PAG1: variants seen among roughly 807,000 people sequenced by gnomAD.
PAG1 encodes phosphoprotein membrane anchor with glycosphingolipid microdomains 1, also known as phosphoprotein associated with glycosphingolipid-enriched microdomains 1.
In PAG1, 23 loss-of-function variants were observed where a neutral mutation model predicts 31.7. The ratio of observed to expected loss-of-function variants is 0.73; its 90% CI spans 0.52 to 1.03. The LOEUF is 1.03. Among genes scored for constraint, PAG1 ranks in the 50% least tolerant of loss-of-function variants. The pLI is 0.00. For synonymous variants in PAG1, 214 were observed against 210.3 expected (o/e 1.02, Z -0.15); for missense variants, 473 against 540.7 (o/e 0.87, Z 1.24).
chr8:81,019,213 A>T (rs1808121051), intron 3 of PAG1, among the ~76,000 whole-genome samples: 1 of 152,250 alleles, frequency 6.6e-6, no homozygotes. Context: ...CAGAGAATAA[A>T]AGTTTGGAAA....
chr8:81,069,156 G>T lies in PAG1; in HGVS notation c.-175+956C>A, dbSNP rs1217656453. Among the ~76,000 whole-genome samples the T allele has an allele frequency of 2.0e-5, 3 of 152,298 alleles. No individual in the cohort carries two copies. In the East Asian group the frequency reaches 5.8e-4, roughly 29 times the overall value. On this transcript the variant is annotated intron_variant, in intron 2 of 8. Coordinates refer to ENST00000220597, the MANE Select transcript of PAG1 (RefSeq NM_018440.4). ...TTAGAAAGACTGTGGCCTCAGAGGG[G>T]AACCAAAATAACCCTGAAATAGCTC...
intron 2 of PAG1, among the ~76,000 whole-genome samples, chr8:81,056,471 A>G (rs1808824536): frequency 6.6e-6 from 1 of 152,178 alleles, no homozygotes; most frequent in Admixed American, 6.5e-5. Context: ...AAATGGGGAA[A>G]GGATTCCCTA....
rs990810704 is a variant in PAG1, at chr8:80,975,131, G to A, written c.*1413C>T. 6.6e-6 allele frequency: 1 copy of A among 152,080 alleles called. No homozygotes were observed. Among genetic ancestry groups the A allele is most frequent in the Non-Finnish European group, 1.5e-5 (1 of 67,998 alleles). The allele number at this position is 152,080 out of a possible 1,614,324, so 9.4% of individuals were successfully genotyped here. A position where few individuals can be genotyped will look rare whatever the true frequency, so the allele number is the denominator to read the frequency against. On this transcript the variant is annotated 3_prime_UTR_variant, in exon 9 of 9. Coordinates refer to ENST00000220597, the MANE Select transcript of PAG1 (RefSeq NM_018440.4). ...TCACAGCCACCTCTCATCATATTTT[G>A]TTCTTCTTTCCATTTTTACCATTTC...
intron 2 of PAG1, among the ~76,000 whole-genome samples, chr8:81,057,627 A>C (rs551232933): frequency 1.1e-4 from 17 of 152,144 alleles, no homozygotes; most frequent in African/African-American, 4.1e-4. Context: ...ATGACGAGTT[A>C]ATCGGTGCAG....
rs1554541162 is a variant in PAG1, at chr8:81,082,269, AAAAAG to A, written c.-233-12104_-233-12100del. Among the ~76,000 whole-genome samples, 4 of 151,176 alleles carry A rather than the reference AAAAAG, an allele frequency of 2.6e-5. No homozygotes were observed. In the East Asian group the frequency reaches 5.8e-4, roughly 22 times the overall value. ...CTCTGTCTCAAAAAAAAAAAAAAAA[AAAAAG>A]AAAAGAAAAAAAAATCCTGAAATTA... On this transcript the variant is annotated intron_variant, in intron 1 of 8. Transcript: ENST00000220597.
intron 3 of PAG1, among the ~76,000 whole-genome samples, chr8:81,019,005 A>G (rs1209373185): frequency 6.6e-6 from 1 of 152,226 alleles, no homozygotes; most frequent in Non-Finnish European, 1.5e-5. Flanking sequence ...GATATGGACA[A>G]TAAAGTCCCT....
At position 80,968,628 on chromosome 8, in the gene PAG1, G is replaced by A. The variant is rs184696896; in HGVS notation, c.*7916C>T. The A allele has an allele frequency of 6.6e-6, 1 of 152,286 alleles. No individual in the cohort carries two copies. The highest frequency in any genetic ancestry group is 1.9e-4 in the East Asian group (1 of 5,190). The allele number at this position is 152,286 out of a possible 1,614,324, so 9.4% of individuals were successfully genotyped here. Reference sequence around the variant, plus strand: ...CTTATGGAAATGTTTATTTTAATATGAGGAGTTTCTTTTCCTAGTTAAAAC... The same window carrying A: ...CTTATGGAAATGTTTATTTTAATATAAGGAGTTTCTTTTCCTAGTTAAAAC... On this transcript the variant is annotated 3_prime_UTR_variant, in exon 9 of 9. Coordinates refer to ENST00000220597, the MANE Select transcript of PAG1 (RefSeq NM_018440.4).
rs914149188 is a variant in PAG1, at chr8:81,030,081, T to C, written c.-166A>G. ...ATGTTGTGGTGAGAGTTCTCTCTTC[T>C]TTCTTGGCCTATAGCCAAAGAGAAG... On this transcript the variant is annotated 5_prime_UTR_variant, in exon 3 of 9. Transcript: ENST00000220597. The C allele has an allele frequency of 6.6e-6, 1 of 152,260 alleles. No individual in the cohort carries two copies. Among genetic ancestry groups the C allele is most frequent in the Admixed American group, 6.5e-5 (1 of 15,290 alleles). 9.4% of individuals were successfully genotyped at this position (152,260 alleles called of 1,614,324 possible). A position where few individuals can be genotyped will look rare whatever the true frequency, so the allele number is the denominator to read the frequency against.
chr8:81,095,956 A>C (rs1472339122), intron 1 of PAG1, among the ~76,000 whole-genome samples: 1 of 152,236 alleles, frequency 6.6e-6, no homozygotes, highest in Non-Finnish European at 1.5e-5. Flanking sequence ...GGACTCCATT[A>C]AAGAAGGCTG....
Position 80,984,147 on chromosome 8 carries a change from G to A in PAG1, c.876+629C>T, listed in dbSNP as rs895272. Among the ~76,000 whole-genome samples the A allele has an allele frequency of 9.3e-4, 141 of 152,320 alleles. 3 individuals are homozygous for A. The East Asian group carries it at 0.022, about 24-fold the overall frequency. On this transcript the variant is annotated intron_variant, in intron 7 of 8. Coordinates refer to ENST00000220597, the MANE Select transcript of PAG1 (RefSeq NM_018440.4). ...AATCCCAAAGAGATTTTAACAACCA[G>A]GGATGTGAACTTCATCGTGGCTCAG...
At chr8:81,046,404 A>T (rs1336755696) in intron 2 of PAG1, among the ~76,000 whole-genome samples, 3 of 152,122 alleles carry the variant, frequency 2.0e-5, no homozygotes, top group Non-Finnish European at 4.4e-5. Context: ...CCCCAGTGAA[A>T]TTTCAAACTC....
chr8:81,024,358 C>T (rs1808238984), intron 3 of PAG1, among the ~76,000 whole-genome samples: 1 of 152,132 alleles, frequency 6.6e-6, no homozygotes. Flanking sequence ...ACAAAGGAGG[C>T]CATCTGGAGA....
At chr8:81,051,313 G>A (rs932966253) in intron 2 of PAG1, among the ~76,000 whole-genome samples, 7 of 152,170 alleles carry the variant, frequency 4.6e-5, no homozygotes, top group Non-Finnish European at 7.3e-5. Flanking sequence ...CTTTAAAAAC[G>A]ACTTAAGATT....
chr8:80,995,151 T>A (rs543154479), intron 3 of PAG1, among the ~76,000 whole-genome samples: 1 of 152,310 alleles, frequency 6.6e-6, no homozygotes, highest in South Asian at 2.1e-4. Context: ...TAAAGAATAT[T>A]AAAAAGCTGA....
chr8:80,991,484 T>A lies in PAG1; in HGVS notation c.172A>T (p.Asn58Tyr). 6.2e-7 allele frequency: 1 copy of A among 1,612,542 alleles called. No homozygotes were observed. Among genetic ancestry groups the A allele is most frequent in the Non-Finnish European group, 8.5e-7 (1 of 1,178,550 alleles). ...GACGACACGCGCAGGCTCACCACGT[T>A]CATCAGGTTCTCATGGTCCCCACTA... Reference protein sequence around the residue: ...QHSGDHENLMNVPSDKEMFSR... With the variant: ...QHSGDHENLMYVPSDKEMFSR... Residue 58 changes from asparagine to tyrosine, a missense_variant, in exon 5 of 9, where the codon AAC becomes TAC. Transcript: ENST00000220597.
rs1177528488 is a variant in PAG1, at chr8:80,976,511, A to T, written c.*33T>A. 3 of 1,573,634 alleles carry T rather than the reference A, an allele frequency of 1.9e-6. No homozygotes were observed. The highest frequency in any genetic ancestry group is 2.6e-6 in the Non-Finnish European group (3 of 1,164,400). The stretch of plus-strand genomic sequence containing the variant: ...ACAGAAGAAACGTCTCCAGACACTG[A>T]TCACAGGCTACCCAGGGTTGTCTTC... On this transcript the variant is annotated 3_prime_UTR_variant, in exon 9 of 9. Transcript: ENST00000220597.
At chr8:81,058,475 G>A (rs1213819636) in intron 2 of PAG1, 1 of 152,330 alleles carries the variant, frequency 6.6e-6, no homozygotes, top group Non-Finnish European at 1.5e-5. Context: ...TTTAAAGCTG[G>A]TGGTGTGTGC....
At chr8:81,011,418 G>A (rs1305877648) in intron 3 of PAG1, among the ~76,000 whole-genome samples, 8 of 152,202 alleles carry the variant, frequency 5.3e-5, no homozygotes, top group South Asian at 2.1e-4. Context: ...CTTGCCTGCC[G>A]CCATGTAAGA....
rs1450133812 is a variant in PAG1, at chr8:80,973,021, TAC to T, written c.*3521_*3522del. The T allele has an allele frequency of 6.6e-6, 1 of 151,884 alleles. No individual in the cohort carries two copies. Among genetic ancestry groups the T allele is most frequent in the Non-Finnish European group, 1.5e-5 (1 of 67,974 alleles). 9.4% of individuals were successfully genotyped at this position (151,884 alleles called of 1,614,324 possible). On this transcript the variant is annotated 3_prime_UTR_variant, in exon 9 of 9. Coordinates refer to ENST00000220597, the MANE Select transcript of PAG1 (RefSeq NM_018440.4). ...ATTAGCAAAAATCATGAGAAATATATACAGTGATATAATGCGGTTAAATTTTA... is the reference window on the plus strand; with the variant it reads ...ATTAGCAAAAATCATGAGAAATATATAGTGATATAATGCGGTTAAATTTTA...
Sources: gnomAD v4.1 joint callset for allele counts (sites outside exome capture counted in the v4.1 genomes callset) on GRCh38, gnomAD v4.1.1 for gene constraint, MANE v1.5 for transcripts, NCBI Gene and HGNC (gene_info 2026-07-23, HGNC 2026-07-21) for gene names.